Variants in PRDM15 observed in about 807,000 individuals in gnomAD.
The protein encoded by PRDM15 is PR domain zinc finger protein 15.
A neutral mutation model predicts 128.6 loss-of-function variants in PRDM15; 64 were observed. That is an observed-to-expected ratio of 0.50 (90% CI 0.41 to 0.61). The LOEUF is 0.61. PRDM15 is among the 20% of genes least tolerant of loss of function. The pLI, the probability that PRDM15 is intolerant of heterozygous loss-of-function variation, is 0.00. For missense variants in PRDM15, 1,242 were observed against 1,569.1 expected, an observed-to-expected ratio of 0.79 and a Z score of 3.52; for synonymous variants, 615 against 621.8, an observed-to-expected ratio of 0.99 and a Z score of 0.16.
chr21:41,874,521 ATATATT>A (rs1417788553), intron 1 of PRDM15, among the ~76,000 whole-genome samples: 28 of 47,954 alleles, frequency 5.8e-4, no homozygotes, highest in African/African-American at 1.4e-3. Context: ...ATATATATAT[ATATATT>A]TTTTTTTTTT....
intron 1 of PRDM15, among the ~76,000 whole-genome samples, chr21:41,864,937 C>T (rs1344219722): frequency 6.7e-6 from 1 of 149,586 alleles, no homozygotes; most frequent in Non-Finnish European, 1.5e-5. Flanking sequence ...CTGGGTCCTG[C>T]CTCTGGGCCT....
intron 1 of PRDM15, among the ~76,000 whole-genome samples, chr21:41,863,896 T>A (rs981586017): frequency 7.9e-5 from 12 of 151,178 alleles, no homozygotes; most frequent in African/African-American, 2.7e-4. Flanking sequence ...CAGGCTGGAG[T>A]GCAGTGGCGC....
At chr21:41,840,126 G>A (rs1318268318) in intron 6 of PRDM15, among the ~76,000 whole-genome samples, 1 of 152,172 alleles carries the variant, frequency 6.6e-6, no homozygotes, top group Non-Finnish European at 1.5e-5. Flanking sequence ...TGTCTGCAAA[G>A]CAAAAACCTG....
chr21:41,826,001 G>A lies in PRDM15; in HGVS notation c.1588C>T (p.Arg530Cys), dbSNP rs768225892. ...DLEAGGENLV[R>C]YKKEPSGCPV... ...CACCCGGAAGGCTCCTTCTTGTAAC[G>A]GACCAGGTTCTCCCCACCGGCCTCC... The change falls in exon 13 of 24, where the codon CGT becomes TGT. Residue 530 changes from arginine (R) to cysteine (C), a missense_variant. Physicochemically the swap from Arg to Cys is radical, Grantham distance 180. Around this residue, in one of 3 missense-constraint regions of PRDM15, gnomAD observed 612 missense variants for 717.0 expected, o/e 0.85. Transcript: ENST00000398548. 1.0e-4 allele frequency: 166 copies of A among 1,614,002 alleles called. No individual in the cohort carries two copies. Among genetic ancestry groups the A allele is most frequent in the Non-Finnish European group, 1.4e-4 (163 of 1,180,008 alleles).
intron 7 of PRDM15, among the ~76,000 whole-genome samples, chr21:41,839,070 G>T (rs2062986888): frequency 6.6e-6 from 1 of 152,218 alleles, no homozygotes; most frequent in African/African-American, 2.4e-5. Flanking sequence ...CACCCTGGAA[G>T]AGGGTCAAAT....
Position 41,810,925 on chromosome 21 carries a change from C to T in PRDM15, c.2393-89G>A. 4 of 1,137,138 alleles carry T rather than the reference C, an allele frequency of 3.5e-6. No individual in the cohort carries two copies. The highest frequency in any genetic ancestry group is 5.3e-6 in the Non-Finnish European group (4 of 753,640). The allele number at this position is 1,137,138 out of a possible 1,614,324, so 70.4% of individuals were successfully genotyped here. On this transcript the variant is annotated intron_variant, in intron 19 of 23. Transcript: ENST00000398548. The surrounding 1 kb of genome is among the most constrained non-coding windows in gnomAD (Gnocchi z 6.4). ...TGTCTTCTCCCTGACACGTTCCAGGCACTGTAGGGCCTTCAGGAGAAGGTG... is the reference window on the plus strand; with the variant it reads ...TGTCTTCTCCCTGACACGTTCCAGGTACTGTAGGGCCTTCAGGAGAAGGTG...
Position 41,801,229 on chromosome 21 carries a change from C to A in PRDM15, c.*11G>T. ...TCTGCAGTTCTTGCCCCGAGTCTCCCGGAACGCAGCTCAGTAGCTGTACAT... is the reference window on the plus strand; with the variant it reads ...TCTGCAGTTCTTGCCCCGAGTCTCCAGGAACGCAGCTCAGTAGCTGTACAT... On this transcript the variant is annotated 3_prime_UTR_variant, in exon 24 of 24. Coordinates refer to ENST00000398548, the MANE Select transcript of PRDM15 (RefSeq NM_001040424.3). 2 of 1,511,948 alleles carry A rather than the reference C, an allele frequency of 1.3e-6. No homozygotes were observed. The highest frequency in any genetic ancestry group is 2.3e-5 in the East Asian group (1 of 44,042). 93.7% of individuals were successfully genotyped at this position (1,511,948 alleles called of 1,614,324 possible). A position where few individuals can be genotyped will look rare whatever the true frequency, so the allele number is the denominator to read the frequency against.
At chr21:41,827,633 T>G (rs2062516297) in intron 12 of PRDM15, among the ~76,000 whole-genome samples, 2 of 152,350 alleles carry the variant, frequency 1.3e-5, no homozygotes, top group South Asian at 4.1e-4. Context: ...TGAGCCACCA[T>G]GCCCAGGAGG....
intron 22 of PRDM15, 77 bp downstream of exon 22, chr21:41,804,457 C>G: frequency 8.4e-7 from 1 of 1,191,372 alleles, no homozygotes; most frequent in Non-Finnish European, 1.2e-6. Context: ...CCCGGCCTGT[C>G]CAAGCCCCTC....
At chr21:41,850,288 C>A (rs74609988) in intron 5 of PRDM15, among the ~76,000 whole-genome samples, 1 of 147,282 alleles carries the variant, frequency 6.8e-6, no homozygotes, top group African/African-American at 2.5e-5. Flanking sequence ...GGTGCCCCCC[C>A]ACACTTTCCT....
chr21:41,808,242 CT>C (rs2146248386), intron 21 of PRDM15, among the ~76,000 whole-genome samples: 1 of 152,306 alleles, frequency 6.6e-6, no homozygotes, highest in Non-Finnish European at 1.5e-5. Context: ...CTTCGGGTTC[CT>C]ACTCCCCCGA....
At chr21:41,819,336 C>T (rs892754574) in intron 18 of PRDM15, among the ~76,000 whole-genome samples, 1 of 151,914 alleles carries the variant, frequency 6.6e-6, no homozygotes, top group African/African-American at 2.4e-5. Context: ...CCCACCTTTC[C>T]CACACTCCCA....
intron 1 of PRDM15, among the ~76,000 whole-genome samples, chr21:41,869,433 C>T (rs1020657661): frequency 6.7e-6 from 1 of 149,340 alleles, no homozygotes; most frequent in Non-Finnish European, 1.5e-5. Flanking sequence ...GCACACATCA[C>T]CGGCTATTTT....
At chr21:41,848,200 A>G (rs1190474693) in intron 5 of PRDM15, among the ~76,000 whole-genome samples, 1 of 152,276 alleles carries the variant, frequency 6.6e-6, no homozygotes, top group Non-Finnish European at 1.5e-5. Flanking sequence ...GTACAACTGC[A>G]TATGCATTCA....
Position 41,821,878 on chromosome 21 carries a change from G to A in PRDM15, c.1896+25C>T, listed in dbSNP as rs1335943783. 2 of 1,612,564 alleles carry A rather than the reference G, an allele frequency of 1.2e-6. No individual in the cohort carries two copies. The highest frequency in any genetic ancestry group is 3.3e-5 in the Admixed American group (2 of 60,028). On this transcript the variant is annotated intron_variant, in intron 15 of 23. Coordinates refer to ENST00000398548, the MANE Select transcript of PRDM15 (RefSeq NM_001040424.3). This position sits in a 1 kb window ranked among gnomAD's most constrained non-coding sequence, Gnocchi z 5.4. Reference sequence around the variant, plus strand: ...CCACCTTCCTCTCCAGACCACCCAGGCACCGCGGGGCAAACCCGCCATACC... The same window carrying A: ...CCACCTTCCTCTCCAGACCACCCAGACACCGCGGGGCAAACCCGCCATACC...
chr21:41,825,845 A>G lies in PRDM15; in HGVS notation c.1629+115T>C, dbSNP rs552914240. 52 of 821,642 alleles carry G rather than the reference A, an allele frequency of 6.3e-5. No homozygotes were observed. In the African/African-American group the frequency reaches 8.0e-4, roughly 13 times the overall value. The allele number at this position is 821,642 out of a possible 1,614,324, so 50.9% of individuals were successfully genotyped here. ...CCAGTTTAAGACAACCTGAGCACCCATCGTTACCCCCCAAATCTTCCCTGC... is the reference window on the plus strand; with the variant it reads ...CCAGTTTAAGACAACCTGAGCACCCGTCGTTACCCCCCAAATCTTCCCTGC... On this transcript the variant is annotated intron_variant, in intron 13 of 23. Transcript: ENST00000398548.
chr21:41,871,575 A>G (rs769386739), intron 1 of PRDM15: 23 of 1,612,102 alleles, frequency 1.4e-5, no homozygotes, highest in Non-Finnish European at 1.9e-5. Context: ...TTCCCTAGAG[A>G]TGTTTCCAAG....
In PRDM15 at chr21:41,808,630, G is replaced by A. The variant is rs376669960; in HGVS notation, c.2652+1524C>T. Among the ~76,000 whole-genome samples, 6 of 152,356 alleles carry A rather than the reference G, an allele frequency of 3.9e-5. No homozygotes were observed. In the South Asian group the frequency reaches 1.2e-3, roughly 32 times the overall value. ...CTTCAAGAACAAGAGAGAAATCACT[G>A]TGGGATGTTTTGCTCCCTTCTTTAC... On this transcript the variant is annotated intron_variant, in intron 21 of 23. Transcript: ENST00000398548.
chr21:41,868,322 C>A (rs1209353062), intron 1 of PRDM15, among the ~76,000 whole-genome samples: 1 of 152,106 alleles, frequency 6.6e-6, no homozygotes, highest in African/African-American at 2.4e-5. Flanking sequence ...TTTGTACATA[C>A]GTTTTCATTT....
Sources: gnomAD v4.1 joint callset for allele counts (sites outside exome capture counted in the v4.1 genomes callset) on GRCh38, gnomAD v4.1.1 for gene constraint, gnomAD v4.1.1 regional missense constraint, Gnocchi (gnomAD v3.1) non-coding constraint, MANE v1.5 for transcripts, NCBI Gene and HGNC (gene_info 2026-07-23, HGNC 2026-07-21) for gene names.